Variants in DNM3 observed in about 807,000 individuals in gnomAD.
The protein encoded by DNM3 is dynamin-3.
Under a neutral mutation model 101.6 loss-of-function variants are expected in DNM3, and 47 were observed. The observed-to-expected ratio is 0.46, with a 90% CI of 0.37 to 0.59. The LOEUF is 0.59. DNM3 is among the 20% of genes least tolerant of loss of function. DNM3 has a pLI of 0.00. For missense variants in DNM3, 849 were observed against 1,085.7 expected (o/e 0.78, Z 3.06); for synonymous variants, 385 against 387.9 (o/e 0.99, Z 0.09).
At chr1:172,062,200 CATTAATATGTCTACCAGAG>C (rs1416549546) in intron 10 of DNM3, among the ~76,000 whole-genome samples, 1 of 152,122 alleles carries the variant, frequency 6.6e-6, no homozygotes, top group African/African-American at 2.4e-5. Flanking sequence ...TTTAACTGCT[CATTAATATGTCTACCAGAG>C]ATAAACTTGG....
chr1:172,300,314 A>T (rs1459171093), intron 15 of DNM3, among the ~76,000 whole-genome samples: 3 of 152,036 alleles, frequency 2.0e-5, no homozygotes, highest in Non-Finnish European at 4.4e-5. Context: ...TAATTTGTAA[A>T]TATTTTCTCC....
chr1:172,195,860 T>C (rs968234074), intron 14 of DNM3, among the ~76,000 whole-genome samples: 4 of 151,778 alleles, frequency 2.6e-5, no homozygotes, highest in Admixed American at 1.3e-4. Context: ...TGTTACTAAG[T>C]GGATTTTTTT....
chr1:171,992,717 A>G (rs1464763157), intron 4 of DNM3, among the ~76,000 whole-genome samples: 1 of 152,068 alleles, frequency 6.6e-6, no homozygotes, highest in Non-Finnish European at 1.5e-5. Flanking sequence ...GGTAGGAGTC[A>G]TTACTGATGA....
intron 2 of DNM3, among the ~76,000 whole-genome samples, chr1:171,949,767 C>T (rs1251914200): frequency 6.6e-6 from 1 of 152,114 alleles, no homozygotes; most frequent in African/African-American, 2.4e-5. Flanking sequence ...ATTAAAAAGA[C>T]TGACCATACA....
At chr1:171,842,306 G>A (rs1475250248) in intron 1 of DNM3, among the ~76,000 whole-genome samples, 1 of 152,006 alleles carries the variant, frequency 6.6e-6, no homozygotes, top group Non-Finnish European at 1.5e-5. Context: ...CCTCCCTTAG[G>A]TGGAGATGCT....
chr1:172,346,355 T>A (rs1192188934), intron 17 of DNM3, among the ~76,000 whole-genome samples: 1 of 152,122 alleles, frequency 6.6e-6, no homozygotes, highest in African/African-American at 2.4e-5. Flanking sequence ...TGTGAAGGTG[T>A]ACAGTGAAGA....
chr1:172,203,730 C>A (rs755910592), intron 14 of DNM3, among the ~76,000 whole-genome samples: 35 of 152,042 alleles, frequency 2.3e-4, no homozygotes, highest in Non-Finnish European at 3.1e-4. Flanking sequence ...TTGTTTTCTT[C>A]TTATTATTAA....
At chr1:171,906,963 T>G (rs973525979) in intron 1 of DNM3, among the ~76,000 whole-genome samples, 3 of 152,224 alleles carry the variant, frequency 2.0e-5, no homozygotes, top group Non-Finnish European at 4.4e-5. Flanking sequence ...CAAGTCTTTT[T>G]GGAAACAAAA....
At chr1:172,006,611 G>A (rs892443718) in intron 4 of DNM3, among the ~76,000 whole-genome samples, 1 of 151,670 alleles carries the variant, frequency 6.6e-6, no homozygotes, top group Non-Finnish European at 1.5e-5. Context: ...TTTTCATGTG[G>A]CCAATACCCT....
chr1:172,247,564 G>C (rs1389094791), intron 14 of DNM3, among the ~76,000 whole-genome samples: 1 of 151,822 alleles, frequency 6.6e-6, no homozygotes, highest in Non-Finnish European at 1.5e-5. Context: ...AAATTAATTT[G>C]GTGCCATTAG....
At chr1:172,038,258 A>C in intron 6 of DNM3, 61 bp from the exon 7 acceptor site, 1 of 1,582,524 alleles carries the variant, frequency 6.3e-7, no homozygotes, top group East Asian at 2.2e-5. Flanking sequence ...TCATGAGTTA[A>C]TCTTTAATCT....
chr1:172,140,935 A>G (rs916566054), intron 14 of DNM3, among the ~76,000 whole-genome samples: 1 of 152,060 alleles, frequency 6.6e-6, no homozygotes, highest in Non-Finnish European at 1.5e-5. Flanking sequence ...ATATTAGTTT[A>G]TTATTACTTA....
intron 15 of DNM3, among the ~76,000 whole-genome samples, chr1:172,292,647 C>T (rs1573326962): frequency 1.3e-5 from 2 of 151,808 alleles, no homozygotes; most frequent in South Asian, 4.2e-4. Flanking sequence ...ATTCCTTACA[C>T]GCAACTATTA....
At chr1:171,910,110 T>G (rs546685475) in intron 1 of DNM3, among the ~76,000 whole-genome samples, 33 of 152,342 alleles carry the variant, frequency 2.2e-4, no homozygotes. Context: ...AATGAAGTCT[T>G]TAGGTAGCTG....
At position 172,242,780 on chromosome 1, in the gene DNM3, C is replaced by A. The variant is rs147978034; in HGVS notation, c.1660-10793C>A. Among the ~76,000 whole-genome samples, 669 of 152,236 alleles carry A rather than the reference C, an allele frequency of 4.4e-3. 2 individuals are homozygous for A. The highest frequency in any genetic ancestry group is 0.015 in the African/African-American group (631 of 41,542). On this transcript the variant is annotated intron_variant, in intron 14 of 20. Coordinates refer to ENST00000627582, the MANE Select transcript of DNM3 (RefSeq NM_015569.5). ...TTCTATACATGGACTTCTGTCTGAT[C>A]CCGCTGCCACAACCTCACTACCATA... is the stretch of plus-strand genomic sequence containing the variant.
At chr1:171,938,352 T>C (rs1306988553) in intron 2 of DNM3, among the ~76,000 whole-genome samples, 2 of 152,148 alleles carry the variant, frequency 1.3e-5, no homozygotes, top group Non-Finnish European at 2.9e-5. Flanking sequence ...TACAAACAAG[T>C]GGTGCATATA....
chr1:172,071,434 A>C (rs750451416), intron 11 of DNM3, among the ~76,000 whole-genome samples: 7 of 151,934 alleles, frequency 4.6e-5, no homozygotes, highest in Non-Finnish European at 1.0e-4. Context: ...TGGACATGTC[A>C]TTTTGGATGG....
chr1:172,055,651 A>G (rs1433230403), intron 10 of DNM3, among the ~76,000 whole-genome samples: 1 of 152,166 alleles, frequency 6.6e-6, no homozygotes, highest in Non-Finnish European at 1.5e-5. Flanking sequence ...TTCAACAATG[A>G]TTATTGAATG....
At chr1:172,145,818 C>T (rs2057863690) in intron 14 of DNM3, among the ~76,000 whole-genome samples, 1 of 152,138 alleles carries the variant, frequency 6.6e-6, no homozygotes, top group Non-Finnish European at 1.5e-5. Context: ...TATTCTGTGG[C>T]TTAGTTTTAT....
Sources: allele counts gnomAD v4.1 joint callset (sites outside exome capture counted in the v4.1 genomes callset), GRCh38; gene constraint gnomAD v4.1.1; transcripts MANE v1.5; gene names NCBI Gene and HGNC (gene_info 2026-07-23, HGNC 2026-07-21).